CAGE1: variants seen among roughly 807,000 people sequenced by gnomAD.
CAGE1 encodes cancer antigen 1.
CAGE1 carries 66 observed loss-of-function variants against 94.9 expected under a neutral mutation model. That is an observed-to-expected ratio of 0.70 (90% CI 0.57 to 0.85). CAGE1 has a LOEUF of 0.85. Among genes scored for constraint, CAGE1 ranks in the 40% least tolerant of loss-of-function variants. The pLI, the probability that CAGE1 is intolerant of heterozygous loss-of-function variation, is 0.00. For synonymous variants in CAGE1, 319 were observed against 321.0 expected, an observed-to-expected ratio of 0.99 and a Z score of 0.07; for missense variants, 865 against 950.4, an observed-to-expected ratio of 0.91 and a Z score of 1.18.
chr6:7,338,993 C>T, intron 11 of CAGE1: 1 of 1,607,568 alleles, frequency 6.2e-7, no homozygotes, highest in Non-Finnish European at 8.5e-7. Flanking sequence ...CAGTTGGGTC[C>T]CAGGGCAGCA....
At chr6:7,351,843 T>G (rs1759779158) in intron 11 of CAGE1, among the ~76,000 whole-genome samples, 1 of 152,164 alleles carries the variant, frequency 6.6e-6, no homozygotes, top group Non-Finnish European at 1.5e-5. Context: ...CCTTTATGAT[T>G]ACAATTCTCA....
chr6:7,380,045 A>G (rs1042995135), intron 3 of CAGE1, among the ~76,000 whole-genome samples: 1 of 152,242 alleles, frequency 6.6e-6, no homozygotes, highest in Non-Finnish European at 1.5e-5. Flanking sequence ...TCGTGGAATC[A>G]GATTGGAGAC....
chr6:7,352,475 C>T (rs1373855852), intron 11 of CAGE1, among the ~76,000 whole-genome samples: 1 of 152,030 alleles, frequency 6.6e-6, no homozygotes, highest in African/African-American at 2.4e-5. Flanking sequence ...CTGCCAAAAG[C>T]AATCTACAAA....
intron 13 of CAGE1, among the ~76,000 whole-genome samples, chr6:7,328,934 A>ATTTTTTTTT (rs869241612): frequency 9.4e-6 from 1 of 106,814 alleles, no homozygotes; most frequent in African/African-American, 4.0e-5. Flanking sequence ...ATATATATAT[A>ATTTTTTTTT]TTTTTTTTTT....
Position 7,365,547 on chromosome 6 carries a change from T to C in CAGE1, c.2114A>G (p.Lys705Arg). ...KVIDCDSDEA[K>R]SIRDVPTLLG... ...AAGGGTAGGTACATCTCTGATACTC[T>C]TGGCTTCATCTGAATCACAGTCTAT... Residue 705 changes from lysine to arginine, a missense_variant, in exon 9 of 14, where the codon AAG (lysine) becomes AGG (arginine). By Grantham distance (26) the Lys-to-Arg change is conservative (BLOSUM62 2). Coordinates refer to ENST00000502583, the MANE Select transcript of CAGE1 (RefSeq NM_001170692.2). 2 of 1,611,490 alleles carry C rather than the reference T, an allele frequency of 1.2e-6. No homozygotes were observed. Among genetic ancestry groups the C allele is most frequent in the Non-Finnish European group, 8.5e-7 (1 of 1,177,952 alleles).
chr6:7,389,343 C>A lies in CAGE1; in HGVS notation c.-165G>T, dbSNP rs1408987294. On this transcript the variant is annotated 5_prime_UTR_variant, in exon 1 of 14. Coordinates refer to ENST00000502583, the MANE Select transcript of CAGE1 (RefSeq NM_001170692.2). The stretch of plus-strand genomic sequence containing the variant: ...GACCTGGCTCTCCCTCCCTCTGCAC[C>A]GGGTTTTGTGGGAGGGAGAACGCTT... 4.4e-6 allele frequency: 2 copies of A among 456,124 alleles called. No individual in the cohort carries two copies. The highest frequency in any genetic ancestry group is 8.8e-6 in the Non-Finnish European group (2 of 226,948). 28.3% of individuals were successfully genotyped at this position (456,124 alleles called of 1,614,324 possible).
At position 7,369,010 on chromosome 6, in the gene CAGE1, A is replaced by AT. The variant is rs34755964; in HGVS notation, c.1894-213dup. On this transcript the variant is annotated intron_variant, in intron 6 of 13. Coordinates refer to ENST00000502583, the MANE Select transcript of CAGE1 (RefSeq NM_001170692.2). ...GAAAGATTTCATTTTTTTTATTTTA[A>AT]TTTTTTTTTTTTTTTTGAGATAGAG... is the stretch of plus-strand genomic sequence containing the variant. Among the ~76,000 whole-genome samples the AT allele has an allele frequency of 7.4e-3, 1,040 of 139,682 alleles. 8 individuals are homozygous for AT. The highest frequency in any genetic ancestry group is 0.012 in the Admixed American group (169 of 14,008). The allele number at this position is 139,682 out of a possible 152,430, so 91.6% of individuals were successfully genotyped here. A position where few individuals can be genotyped will look rare whatever the true frequency, so the allele number is the denominator to read the frequency against.
intron 11 of CAGE1, among the ~76,000 whole-genome samples, chr6:7,352,580 T>A (rs781443494): frequency 1.3e-5 from 2 of 152,188 alleles, no homozygotes; most frequent in African/African-American, 2.4e-5. Context: ...AGAGCCTGCA[T>A]AGCCAAAGCA....
intron 11 of CAGE1, 46 bp from the exon 12 acceptor site, chr6:7,334,136 T>A: frequency 8.4e-7 from 1 of 1,191,162 alleles, no homozygotes; most frequent in Non-Finnish European, 1.2e-6. Context: ...TGGACTTTTC[T>A]AGACCAATAT....
chr6:7,379,076 T>C, intron 3 of CAGE1, 56 bp from the exon 4 acceptor site: 2 of 1,072,708 alleles, frequency 1.9e-6, no homozygotes, highest in Non-Finnish European at 2.6e-6. Flanking sequence ...ACTTGGATGG[T>C]AACAGTTATA....
At chr6:7,381,047 G>A (rs1232430628) in intron 3 of CAGE1, among the ~76,000 whole-genome samples, 1 of 152,084 alleles carries the variant, frequency 6.6e-6, no homozygotes, top group African/African-American at 2.4e-5. Context: ...CCTTCTTAAT[G>A]TACATCCTTT....
At chr6:7,381,329 G>A (rs1351081371) in intron 3 of CAGE1, among the ~76,000 whole-genome samples, 1 of 152,202 alleles carries the variant, frequency 6.6e-6, no homozygotes, top group Admixed American at 6.5e-5. Context: ...GGCCATGTGA[G>A]ACACTGCAAG....
Position 7,365,490 on chromosome 6 carries a change from A to C in CAGE1, c.2171T>G (p.Leu724Arg). ...LGAKLDKYHS[L>R]NEELDFLITK... The stretch of plus-strand genomic sequence containing the variant: ...TACCAAGAAATCAAGCTCCTCATTT[A>C]GACTGTGGTACTTATCCAGTTTGGC... The change falls in exon 9 of 14, where the codon CTA (leucine) becomes CGA (arginine). Residue 724 changes from leucine (L) to arginine (R), a missense_variant. Leu to Arg is a moderately radical substitution (Grantham distance 102). Coordinates refer to ENST00000502583, the MANE Select transcript of CAGE1 (RefSeq NM_001170692.2). 3.1e-6 allele frequency: 5 copies of C among 1,613,342 alleles called. No homozygotes were observed. Among genetic ancestry groups the C allele is most frequent in the Non-Finnish European group, 4.2e-6 (5 of 1,179,586 alleles).
rs568888838 is a variant in CAGE1 at position 7,353,839 on chromosome 6, G to A, written c.2369+1202C>T. Among the ~76,000 whole-genome samples, 413 of 152,090 alleles carry A rather than the reference G, an allele frequency of 2.7e-3. 2 individuals are homozygous for A. The highest frequency in any genetic ancestry group is 5.0e-3 in the Non-Finnish European group (339 of 67,986). ...CTATTATTCTAAGTGAAGGAACTCA[G>A]GAATGGAAAACCAAACATCGTATGT... On this transcript the variant is annotated intron_variant, in intron 11 of 13. Transcript: ENST00000502583.
intron 3 of CAGE1, among the ~76,000 whole-genome samples, chr6:7,383,195 G>A (rs1054600645): frequency 6.6e-6 from 1 of 152,174 alleles, no homozygotes; most frequent in African/African-American, 2.4e-5. Flanking sequence ...CCGTGATTCT[G>A]TTTCGAGGCC....
chr6:7,334,629 G>A (rs1182974588), intron 11 of CAGE1, among the ~76,000 whole-genome samples: 1 of 149,532 alleles, frequency 6.7e-6, no homozygotes, highest in Non-Finnish European at 1.5e-5. Context: ...TTGGGAGGCT[G>A]AGCTGGGAGG....
intron 7 of CAGE1, 149 bp from the exon 8 acceptor site, chr6:7,366,033 G>A: frequency 7.5e-6 from 4 of 534,622 alleles, no homozygotes; most frequent in Non-Finnish European, 1.3e-5. Context: ...ATCACCTCAG[G>A]TCAGGAGTTC....
chr6:7,367,610 T>G (rs531101816), intron 7 of CAGE1, among the ~76,000 whole-genome samples: 1 of 152,294 alleles, frequency 6.6e-6, no homozygotes, highest in East Asian at 1.9e-4. Flanking sequence ...CAGTTGGGCT[T>G]ATTTTTGAAA....
chr6:7,335,613 CCT>C (rs1758928371), intron 11 of CAGE1, among the ~76,000 whole-genome samples: 1 of 152,120 alleles, frequency 6.6e-6, no homozygotes, highest in African/African-American at 2.4e-5. Context: ...AGAGTCTCAC[CCT>C]GTCATTCAGG....
Sources: gnomAD v4.1 joint callset for allele counts (sites outside exome capture counted in the v4.1 genomes callset) on GRCh38, gnomAD v4.1.1 for gene constraint, MANE v1.5 for transcripts, NCBI Gene and HGNC (gene_info 2026-07-23, HGNC 2026-07-21) for gene names.